APBB2: variants seen among roughly 807,000 people sequenced by gnomAD.
APBB2 encodes Fe65-like 1.
APBB2 carries 38 observed loss-of-function variants against 82.5 expected under a neutral mutation model. That is an observed-to-expected ratio of 0.46 (90% confidence interval 0.36 to 0.60). The LOEUF (loss-of-function observed/expected upper bound fraction) is 0.60, where lower values mean the gene tolerates loss of function less well. Ranked by LOEUF, APBB2 falls within the 20% of genes least tolerant of loss-of-function variation. The probability of loss-of-function intolerance (pLI) is 0.00; values close to 1 mark genes in which losing one functional copy is unlikely to be tolerated. For missense variants in APBB2, 772 were observed against 972.3 expected (o/e 0.79, Z 2.74); for synonymous variants, 341 against 368.2 (o/e 0.93, Z 0.85).
At chr4:40,851,586 C>T (rs1266775317) in intron 12 of APBB2, among the ~76,000 whole-genome samples, 2 of 151,990 alleles carry the variant, frequency 1.3e-5, no homozygotes, top group African/African-American at 4.8e-5. Flanking sequence ...ATTCCAACTG[C>T]TATAATTTAT....
Position 40,826,283 on chromosome 4 carries a change from G to T in APBB2, c.1733-313C>A. 1 of 296,736 alleles carries T rather than the reference G, an allele frequency of 3.4e-6. No individual in the cohort carries two copies. Among genetic ancestry groups the T allele is most frequent in the Non-Finnish European group, 6.4e-6 (1 of 155,542 alleles). The allele number at this position is 296,736 out of a possible 1,614,324, so 18.4% of individuals were successfully genotyped here. ...CAGCTTTTGGTGTCCTATTTAATTA[G>T]GTGTGGTTGATGCCCAGAGAAAATG... On this transcript the variant is annotated intron_variant, in intron 14 of 17. Coordinates refer to ENST00000508593, the MANE Select transcript of APBB2 (RefSeq NM_004307.2). The surrounding 1 kb of genome is among the most constrained non-coding windows in gnomAD (Gnocchi z 4.5).
intron 2 of APBB2, among the ~76,000 whole-genome samples, chr4:41,116,997 C>G (rs1751204094): frequency 6.6e-6 from 1 of 152,140 alleles, no homozygotes; most frequent in Admixed American, 6.6e-5. Flanking sequence ...TCTCCCATCA[C>G]TGTCCCTCAG....
At chr4:40,828,403 G>C (rs1324670062) in intron 13 of APBB2, among the ~76,000 whole-genome samples, 1 of 152,156 alleles carries the variant, frequency 6.6e-6, no homozygotes, top group African/African-American at 2.4e-5. Flanking sequence ...ATTCCAAGTG[G>C]AGTGAAAGTC....
intron 2 of APBB2, among the ~76,000 whole-genome samples, chr4:41,135,161 T>C (rs371906879): frequency 1.1e-4 from 14 of 125,282 alleles, no homozygotes; most frequent in African/African-American, 3.8e-4. Flanking sequence ...ACTATATCCT[T>C]GAGCCCTCAA....
intron 4 of APBB2, among the ~76,000 whole-genome samples, chr4:41,041,649 C>G (rs1428720795): frequency 2.0e-5 from 3 of 152,178 alleles, no homozygotes; most frequent in African/African-American, 4.8e-5. Context: ...AAGAACTAAT[C>G]CTATCACCAA....
chr4:41,181,420 C>T (rs549343778), intron 1 of APBB2, among the ~76,000 whole-genome samples: 56 of 152,290 alleles, frequency 3.7e-4, no homozygotes, highest in East Asian at 9.6e-4. Context: ...GAAATTGAAA[C>T]GTGCTTAAAA....
intron 12 of APBB2, among the ~76,000 whole-genome samples, chr4:40,856,215 G>A (rs371066218): frequency 6.6e-6 from 1 of 152,168 alleles, no homozygotes; most frequent in Admixed American, 6.5e-5. Context: ...CCCTCCTTCC[G>A]CCTTCTCCCA....
intron 1 of APBB2, among the ~76,000 whole-genome samples, chr4:41,154,418 G>A (rs78480551): frequency 0.02 from 3,107 of 152,274 alleles, 58 homozygotes; most frequent in African/African-American, 0.044. Flanking sequence ...TCCTGGTTGC[G>A]TTTCCATAAC....
intron 12 of APBB2, chr4:40,857,283 T>A (rs1439859578): frequency 3.3e-6 from 2 of 601,674 alleles, no homozygotes; most frequent in African/African-American, 4.0e-5. Flanking sequence ...TCCCGCTAGG[T>A]GCTCCCGCCA....
At chr4:40,971,812 G>A (rs950538661) in intron 6 of APBB2, among the ~76,000 whole-genome samples, 1 of 152,086 alleles carries the variant, frequency 6.6e-6, no homozygotes, top group African/African-American at 2.4e-5. Context: ...ATTAAAATTA[G>A]TGAAAGTAAT....
chr4:40,990,518 A>C (rs966549784), intron 6 of APBB2, among the ~76,000 whole-genome samples: 2 of 152,224 alleles, frequency 1.3e-5, no homozygotes, highest in African/African-American at 2.4e-5. Context: ...GAAAGGAGAA[A>C]GGGAGGAAGG....
intron 10 of APBB2, among the ~76,000 whole-genome samples, chr4:40,908,334 CAACA>C (rs1777624981): frequency 6.6e-6 from 1 of 152,142 alleles, no homozygotes; most frequent in Admixed American, 6.5e-5. Flanking sequence ...CAGCCCCAGC[CAACA>C]AACACACGGT....
chr4:40,912,890 C>T (rs1778919606), intron 10 of APBB2, among the ~76,000 whole-genome samples: 1 of 152,210 alleles, frequency 6.6e-6, no homozygotes, highest in South Asian at 2.1e-4. Flanking sequence ...GGAAACCATT[C>T]TTACTCCCTG....
intron 6 of APBB2, among the ~76,000 whole-genome samples, chr4:40,949,828 GA>G (rs1789581476): frequency 6.6e-6 from 1 of 152,160 alleles, no homozygotes; most frequent in Non-Finnish European, 1.5e-5. Context: ...CCTTTTGACG[GA>G]TCTGCTTAGA....
chr4:41,181,999 T>C (rs560591060), intron 1 of APBB2, among the ~76,000 whole-genome samples: 14 of 151,882 alleles, frequency 9.2e-5, no homozygotes, highest in Non-Finnish European at 1.3e-4. Context: ...TAACATACTT[T>C]GGCATGAAGC....
chr4:41,106,626 G>A (rs527274656), intron 2 of APBB2, among the ~76,000 whole-genome samples: 12 of 152,064 alleles, frequency 7.9e-5, no homozygotes, highest in Non-Finnish European at 1.3e-4. Context: ...ACAGGCGCCC[G>A]CCACCACGCC....
At chr4:41,037,639 G>A (rs544709674) in intron 4 of APBB2, among the ~76,000 whole-genome samples, 3 of 152,240 alleles carry the variant, frequency 2.0e-5, no homozygotes, top group East Asian at 3.9e-4. Context: ...TTTTAACGTG[G>A]TACTAGAAAA....
chr4:41,004,211 G>A (rs542673518), intron 6 of APBB2, among the ~76,000 whole-genome samples: 1 of 152,168 alleles, frequency 6.6e-6, no homozygotes, highest in South Asian at 2.1e-4. Flanking sequence ...GAGCCACTGC[G>A]CCCGGCCACA....
chr4:41,154,626 T>C (rs1051272941), intron 1 of APBB2, among the ~76,000 whole-genome samples: 6 of 152,192 alleles, frequency 3.9e-5, no homozygotes, highest in Non-Finnish European at 7.3e-5. Flanking sequence ...CCCAACTCTC[T>C]CATGCACGCT....
Sources: allele counts gnomAD v4.1 joint callset (sites outside exome capture counted in the v4.1 genomes callset), GRCh38; gene constraint gnomAD v4.1.1; non-coding constraint Gnocchi (gnomAD v3.1); transcripts MANE v1.5; gene names NCBI Gene and HGNC (gene_info 2026-07-23, HGNC 2026-07-21).